The following ADGRE3 variants were observed in gnomAD, a reference collection of about 807,000 sequenced individuals.
The protein encoded by ADGRE3 is adhesion G protein-coupled receptor E3, also known as EGF-like module receptor 3.
A neutral mutation model predicts 80.1 loss-of-function variants in ADGRE3; 88 were observed. That is an observed-to-expected ratio of 1.10 (90% confidence interval 0.93 to 1.31). The LOEUF (loss-of-function observed/expected upper bound fraction) is 1.31. Among genes scored for constraint, ADGRE3 ranks in the 40% most tolerant of loss-of-function variants. The pLI is 0.00. For missense variants in ADGRE3, 715 were observed against 776.5 expected (o/e 0.92, Z 0.94); for synonymous variants, 281 against 294.8 (o/e 0.95, Z 0.48).
the ADGRE3 span, among the ~76,000 whole-genome samples, chr19:14,603,467 A>G: frequency 6.6e-6 from 1 of 151,614 alleles, no homozygotes. Flanking sequence ...AGTATAGCTC[A>G]CTTTTTTTTT....
Position 14,625,550 on chromosome 19 carries a change from G to T in ADGRE3, c.1862C>A (p.Ser621Tyr). 1 of 1,613,938 alleles carries T rather than the reference G, an allele frequency of 6.2e-7. No individual in the cohort carries two copies. Among genetic ancestry groups the T allele is most frequent in the Non-Finnish European group, 8.5e-7 (1 of 1,179,828 alleles). Reference sequence around the variant, plus strand: ...GGAAAGTGTGTATGTCTCAGACTCAGATTTTGATTTTACGATCTCTCTAAA... The same window carrying T: ...GGAAAGTGTGTATGTCTCAGACTCATATTTTGATTTTACGATCTCTCTAAA... The part of the protein sequence containing the change: ...KWFREIVKSK[S>Y]ESETYTLSSK... The change falls in exon 15 of 16, where the codon TCT becomes TAT. Residue 621 changes from serine to tyrosine, a missense_variant. Physicochemically the swap from Ser to Tyr is moderately radical, Grantham distance 144. Coordinates refer to ENST00000253673, the MANE Select transcript of ADGRE3 (RefSeq NM_032571.5).
chr19:14,619,910 C>T (rs1028653034), intron 15 of ADGRE3, among the ~76,000 whole-genome samples: 1 of 152,224 alleles, frequency 6.6e-6, no homozygotes, highest in Non-Finnish European at 1.5e-5. Flanking sequence ...GAGGAACCAA[C>T]ATCTCCTGAA....
intron 6 of ADGRE3, among the ~76,000 whole-genome samples, chr19:14,651,443 G>A (rs888821024): frequency 2.0e-5 from 3 of 152,096 alleles, no homozygotes; most frequent in African/African-American, 7.2e-5. Flanking sequence ...GATGTGTCGG[G>A]CACTGAGCTA....
At chr19:14,614,846 C>T (rs368448042), downstream of ADGRE3, among the ~76,000 whole-genome samples, 3 of 150,620 alleles carry the variant, frequency 2.0e-5, no homozygotes, top group Admixed American at 6.7e-5. Flanking sequence ...CAACGTGCTG[C>T]GTGCTGGGAT....
chr19:14,662,712 G>A lies in ADGRE3; in HGVS notation c.200-594C>T, dbSNP rs140124007. Among the ~76,000 whole-genome samples the A allele has an allele frequency of 7.4e-4, 112 of 151,896 alleles. 2 individuals carry two copies. In the East Asian group the frequency reaches 0.02, roughly 27 times the overall value. On this transcript the variant is annotated intron_variant, in intron 3 of 15. Transcript: ENST00000253673. ...AAACAAGAAACTATCTTAAATGAAC[G>A]GCCAAGTTTCCAAAACAGCCCCCAT...
chr19:14,663,958 T>C (rs1599650780), intron 2 of ADGRE3, among the ~76,000 whole-genome samples: 2 of 152,028 alleles, frequency 1.3e-5, no homozygotes, highest in African/African-American at 4.8e-5. Context: ...TCCCCTGACA[T>C]ATTATATATG....
chr19:14,656,564 T>C (rs1286870344), intron 5 of ADGRE3, among the ~76,000 whole-genome samples: 1 of 152,082 alleles, frequency 6.6e-6, no homozygotes, highest in Non-Finnish European at 1.5e-5. Flanking sequence ...ATTTACTTAC[T>C]GCTCGGGGAA....
intron 14 of ADGRE3, among the ~76,000 whole-genome samples, chr19:14,629,272 T>C (rs1241121913): frequency 6.6e-6 from 1 of 152,194 alleles, no homozygotes; most frequent in African/African-American, 2.4e-5. Flanking sequence ...GGTGTTTTTT[T>C]CCATGTAACT....
intron 4 of ADGRE3, among the ~76,000 whole-genome samples, chr19:14,660,986 G>A (rs1971932404): frequency 7.9e-6 from 1 of 126,286 alleles, no homozygotes; most frequent in Non-Finnish European, 1.6e-5. Context: ...CTGTCACCCA[G>A]GCTGGGGTGC....
chr19:14,653,945 G>GTTTT (rs1388784134), intron 6 of ADGRE3, among the ~76,000 whole-genome samples: 1 of 52,096 alleles, frequency 1.9e-5, no homozygotes. Context: ...CTGTGTGTGT[G>GTTTT]TTTTTTTTTT....
the ADGRE3 span, among the ~76,000 whole-genome samples, chr19:14,605,976 G>C: frequency 6.6e-6 from 1 of 152,070 alleles, no homozygotes; most frequent in Non-Finnish European, 1.5e-5. Context: ...CTAGTCTCAA[G>C]CGATCCTCCC....
chr19:14,642,144 TTACTG>T (rs1971271608), intron 9 of ADGRE3, among the ~76,000 whole-genome samples: 1 of 152,166 alleles, frequency 6.6e-6, no homozygotes, highest in Non-Finnish European at 1.5e-5. Flanking sequence ...TGATTGTACT[TTACTG>T]AACTGTATAT....
At chr19:14,617,344 T>TCCCTCTCTCTCTCTCTCTTTCTC (rs774654059), downstream of ADGRE3, among the ~76,000 whole-genome samples, 1 of 49,332 alleles carries the variant, frequency 2.0e-5, no homozygotes, top group Non-Finnish European at 4.0e-5. Flanking sequence ...CTCCCTCCCT[T>TCCCTCTCTCTCTCTCTCTTTCTC]TCTTTCTTTC....
At chr19:14,631,225 T>A (rs1375112032) in intron 13 of ADGRE3, among the ~76,000 whole-genome samples, 1 of 152,034 alleles carries the variant, frequency 6.6e-6, no homozygotes, top group East Asian at 1.9e-4. Flanking sequence ...CAAAAGGAGG[T>A]GTACTGTTCC....
chr19:14,626,831 G>T (rs1221103882), intron 14 of ADGRE3, among the ~76,000 whole-genome samples: 1 of 152,190 alleles, frequency 6.6e-6, no homozygotes, highest in Non-Finnish European at 1.5e-5. Context: ...GGGAGCTGGG[G>T]TATTTATCCA....
chr19:14,671,501 G>T (rs4078372), intron 1 of ADGRE3, among the ~76,000 whole-genome samples: 58,209 of 151,798 alleles, frequency 0.38, 12,066 homozygotes, highest in East Asian at 0.62. Context: ...AAAATTCAGG[G>T]TACTACCCCC....
intron 2 of ADGRE3, among the ~76,000 whole-genome samples, chr19:14,667,043 C>T (rs1317133732): frequency 6.6e-6 from 1 of 152,144 alleles, no homozygotes; most frequent in Non-Finnish European, 1.5e-5. Flanking sequence ...CAGGTTGTCC[C>T]TTCATGTAGT....
At chr19:14,674,576 C>A (rs185253323) in intron 1 of ADGRE3, among the ~76,000 whole-genome samples, 170 bp downstream of exon 1, 1 of 151,874 alleles carries the variant, frequency 6.6e-6, no homozygotes, top group Non-Finnish European at 1.5e-5. Flanking sequence ...TAGGGATATT[C>A]GAGAGCATAC....
At chr19:14,629,961 G>T in intron 14 of ADGRE3, 78 bp downstream of exon 14, 1 of 916,404 alleles carries the variant, frequency 1.1e-6, no homozygotes, top group Non-Finnish European at 1.6e-6. Context: ...TTTAGAGAAT[G>T]TCAACTTAAA....
Sources: allele counts gnomAD v4.1 joint callset (sites outside exome capture counted in the v4.1 genomes callset), GRCh38; gene constraint gnomAD v4.1.1; transcripts MANE v1.5; gene names NCBI Gene and HGNC (gene_info 2026-07-23, HGNC 2026-07-21).